Variants in NOL4L observed in about 807,000 individuals in gnomAD.
NOL4L encodes nucleolar protein 4 like, also known as nucleolar protein 4-like.
A neutral mutation model predicts 64.5 loss-of-function variants in NOL4L; 7 were observed. The observed-to-expected ratio is 0.11, with a 90% CI of 0.06 to 0.20. NOL4L has a LOEUF of 0.20. Among genes scored for constraint, NOL4L ranks in the 10% least tolerant of loss-of-function variants. The pLI is 1.00. For synonymous variants in NOL4L, 413 were observed against 401.0 expected (o/e 1.03, Z -0.36); for missense variants, 680 against 967.1 (o/e 0.70, Z 3.94).
intron 4 of NOL4L, among the ~76,000 whole-genome samples, chr20:32,481,975 G>GGT (rs2015753327): frequency 7.2e-6 from 1 of 138,988 alleles, no homozygotes; most frequent in Non-Finnish European, 1.6e-5. Context: ...GGGGGGGGGG[G>GGT]AGCAGGCTGG....
At chr20:32,474,278 C>G (rs914941945) in intron 5 of NOL4L, among the ~76,000 whole-genome samples, 1 of 152,228 alleles carries the variant, frequency 6.6e-6, no homozygotes, top group African/African-American at 2.4e-5. Context: ...GTGAACCTTC[C>G]CAGGCCTGCC....
intron 9 of NOL4L, 134 bp from the exon 10 acceptor site, chr20:32,452,571 TTCTG>T (rs1410764974): frequency 5.6e-6 from 5 of 887,650 alleles, no homozygotes; most frequent in Admixed American, 3.0e-5. Context: ...ACCTGTGGGA[TTCTG>T]TCTGTCCCCT....
At chr20:32,462,831 G>A (rs542402593) in intron 5 of NOL4L, among the ~76,000 whole-genome samples, 2 of 147,916 alleles carry the variant, frequency 1.4e-5, no homozygotes, top group African/African-American at 2.5e-5. Flanking sequence ...CTTGAACCCG[G>A]GAGGTGGAGG....
Position 32,463,321 on chromosome 20 carries a change from C to A in NOL4L, c.842-6926G>T, listed in dbSNP as rs1332405023. On this transcript the variant is annotated intron_variant, in intron 5 of 10. Transcript: ENST00000621426. This position sits in a 1 kb window ranked among gnomAD's most constrained non-coding sequence, Gnocchi z 5.8. ...TCCCCATCTTGCTGCTTCCATGAGG[C>A]CCCTCCAGGAGGGTCACCCTTGAGG... 6.6e-6 allele frequency among the ~76,000 whole-genome samples: 1 copy of A among 152,184 alleles called. No homozygotes were observed. The highest frequency in any genetic ancestry group is 1.5e-5 in the Non-Finnish European group (1 of 68,012).
chr20:32,508,690 C>T (rs1302213417), intron 4 of NOL4L, among the ~76,000 whole-genome samples: 3 of 152,192 alleles, frequency 2.0e-5, no homozygotes, highest in Non-Finnish European at 4.4e-5. Flanking sequence ...GCAGAGGCCA[C>T]CTCGATCTTG....
In NOL4L at chr20:32,453,607, C is replaced by T; in HGVS notation, c.1274G>A (p.Gly425Asp). The T allele has an allele frequency of 1.2e-6, 2 of 1,613,642 alleles. No individual in the cohort carries two copies. The highest frequency in any genetic ancestry group is 1.6e-4 in the Middle Eastern group (1 of 6,062). ...GGCCTTAAGACGCTCAGGGTCCATGCCTTCAGAGTCGTTCATCTTGTCATT... is the reference window on the plus strand; with the variant it reads ...GGCCTTAAGACGCTCAGGGTCCATGTCTTCAGAGTCGTTCATCTTGTCATT... Reference protein sequence around the residue: ...EDNDKMNDSEGMDPERLKAFN... With the variant: ...EDNDKMNDSEDMDPERLKAFN... Residue 425 changes from glycine to aspartate, a missense_variant, in exon 7 of 11, where the codon GGC becomes GAC. By Grantham distance (94) the Gly-to-Asp change is moderately conservative (BLOSUM62 -1). Transcript: ENST00000621426. The surrounding 1 kb of genome is among the most constrained non-coding windows in gnomAD (Gnocchi z 5.6).
At chr20:32,493,071 G>C (rs1287758512) in intron 4 of NOL4L, among the ~76,000 whole-genome samples, 1 of 152,220 alleles carries the variant, frequency 6.6e-6, no homozygotes, top group Non-Finnish European at 1.5e-5. Context: ...ACTGCTGTGA[G>C]GCCCTGCCTT....
Position 32,447,216 on chromosome 20 carries a change from A to G in NOL4L, c.*380T>C. ...GTCCACTTTGCTTTTCTCAATAAATATGCAATTCTGCTCACCTAAGACTTG... is the reference window on the plus strand; with the variant it reads ...GTCCACTTTGCTTTTCTCAATAAATGTGCAATTCTGCTCACCTAAGACTTG... On this transcript the variant is annotated 3_prime_UTR_variant, in exon 11 of 11. Coordinates refer to ENST00000621426, the MANE Select transcript of NOL4L (RefSeq NM_001256798.2). 1 of 484,582 alleles carries G rather than the reference A, an allele frequency of 2.1e-6. No homozygotes were observed. The highest frequency in any genetic ancestry group is 4.1e-6 in the Non-Finnish European group (1 of 246,522). 30.0% of individuals were successfully genotyped at this position (484,582 alleles called of 1,614,324 possible).
chr20:32,580,307 G>C (rs760696933), intron 1 of NOL4L, among the ~76,000 whole-genome samples: 1 of 152,092 alleles, frequency 6.6e-6, no homozygotes, highest in Non-Finnish European at 1.5e-5. Flanking sequence ...GGTGACCCCC[G>C]AAACAGCCGC....
chr20:32,488,795 CTTT>C (rs2016251598), intron 4 of NOL4L, among the ~76,000 whole-genome samples: 3 of 47,070 alleles, frequency 6.4e-5, no homozygotes, highest in East Asian at 2.5e-3. Context: ...TCCTTCCTTT[CTTT>C]CTTTCTTTTT....
chr20:32,532,471 T>G (rs2018379571), intron 1 of NOL4L: 26 of 564,500 alleles, frequency 4.6e-5, no homozygotes, highest in Non-Finnish European at 5.8e-5. Context: ...CAGACATCTC[T>G]GCTATCCCTT....
intron 4 of NOL4L, among the ~76,000 whole-genome samples, chr20:32,499,184 A>AT (rs36117110): frequency 2.0e-5 from 3 of 151,582 alleles, no homozygotes; most frequent in African/African-American, 7.3e-5. Flanking sequence ...GCCAAAAAAA[A>AT]TTTTTTTTTA....
intron 4 of NOL4L, among the ~76,000 whole-genome samples, chr20:32,487,004 C>G (rs1490043686): frequency 6.6e-6 from 1 of 152,214 alleles, no homozygotes; most frequent in Non-Finnish European, 1.5e-5. Context: ...TGCAGTGGCT[C>G]ACACCTGTAA....
rs1012964053 is a variant in NOL4L, at chr20:32,444,943, T to C, written c.*2653A>G. The C allele has an allele frequency of 2.1e-5, 2 of 95,544 alleles. No individual in the cohort carries two copies. Among genetic ancestry groups the C allele is most frequent in the African/African-American group, 5.7e-5 (1 of 17,440 alleles). The allele number at this position is 95,544 out of a possible 1,614,324, so 5.9% of individuals were successfully genotyped here. On this transcript the variant is annotated 3_prime_UTR_variant, in exon 11 of 11. Transcript: ENST00000621426. ...GGGGAAGGGGTTGAAGCTGCATCTT[T>C]TAAAACAAAAGCAAAACAAGTTCCC...
chr20:32,499,260 A>G (rs1284955775), intron 4 of NOL4L, among the ~76,000 whole-genome samples: 1 of 152,110 alleles, frequency 6.6e-6, no homozygotes, highest in African/African-American at 2.4e-5. Flanking sequence ...GTCCATGTTT[A>G]GAGCCCCCCG....
intron 2 of NOL4L, among the ~76,000 whole-genome samples, chr20:32,526,183 C>T (rs1010357202): frequency 2.6e-5 from 4 of 152,184 alleles, no homozygotes; most frequent in Admixed American, 6.5e-5. Context: ...AACCACCATG[C>T]CCCACCCACA....
intron 2 of NOL4L, among the ~76,000 whole-genome samples, chr20:32,522,451 C>T (rs556595916): frequency 7.2e-5 from 11 of 152,296 alleles, no homozygotes; most frequent in Admixed American, 2.0e-4. Context: ...GTGTCAGGTC[C>T]GAGGGATGGG....
rs73906141 is a variant in NOL4L at position 32,452,264 on chromosome 20, G to A, written c.1794C>T (p.Ala598=). ...GALSSNLQPP[A]SLQTGNHSNG... is the part of the protein sequence containing the mutation. ...TACTGTGGTTTCCTGTTTGGAGGGA[G>A]GCAGGGGGCTGCAGGTTGCTGCTCA... Residue 598 remains alanine, a synonymous_variant, in exon 10 of 11, where the codon GCC becomes GCT. Coordinates refer to ENST00000621426, the MANE Select transcript of NOL4L (RefSeq NM_001256798.2). 3,874 of 1,581,630 alleles carry A rather than the reference G, an allele frequency of 2.4e-3. 81 individuals are homozygous for A. In the African/African-American group the frequency reaches 0.045, roughly 18 times the overall value.
chr20:32,560,371 T>A (rs1175354387), intron 1 of NOL4L, among the ~76,000 whole-genome samples: 1 of 152,218 alleles, frequency 6.6e-6, no homozygotes, highest in Non-Finnish European at 1.5e-5. Flanking sequence ...AAGAGGAAAC[T>A]GAGGCTCAGA....
Sources: allele counts gnomAD v4.1 joint callset (sites outside exome capture counted in the v4.1 genomes callset), GRCh38; gene constraint gnomAD v4.1.1; non-coding constraint Gnocchi (gnomAD v3.1); transcripts MANE v1.5; gene names NCBI Gene and HGNC (gene_info 2026-07-23, HGNC 2026-07-21).